FDFT1: variants seen among roughly 807,000 people sequenced by gnomAD.
The protein encoded by FDFT1 is farnesyl-diphosphate farnesyltransferase 1.
FDFT1 carries 68 observed loss-of-function variants against 46.8 expected under a neutral mutation model. That is an observed-to-expected ratio of 1.45 (90% CI 1.19 to 1.78). The LOEUF is 1.78. FDFT1 is among the 40% of genes most tolerant of loss of function. The probability of loss-of-function intolerance (pLI) is 0.00; values close to 1 mark genes in which losing one functional copy is unlikely to be tolerated. For missense variants in FDFT1, 928 were observed against 524.4 expected (o/e 1.77, Z -7.52); for synonymous variants, 351 against 185.1 (o/e 1.90, Z -7.28).
chr8:11,834,566 C>T (rs1030672336), intron 7 of FDFT1, among the ~76,000 whole-genome samples: 1 of 151,970 alleles, frequency 6.6e-6, no homozygotes, highest in African/African-American at 2.4e-5. Context: ...CCTGGGAGCC[C>T]ATTAAGACAT....
intron 6 of FDFT1, among the ~76,000 whole-genome samples, 196 bp downstream of exon 6, chr8:11,830,616 G>C (rs1029815357): frequency 2.6e-5 from 4 of 152,188 alleles, no homozygotes; most frequent in Non-Finnish European, 5.9e-5. Context: ...GGTTAAGCCT[G>C]CTCCTTTTCA....
At chr8:11,834,011 A>G (rs773158434) in intron 7 of FDFT1, among the ~76,000 whole-genome samples, 30 of 152,260 alleles carry the variant, frequency 2.0e-4, no homozygotes, top group Non-Finnish European at 3.7e-4. Context: ...AACATTTTGT[A>G]TGAAGCCACA....
At chr8:11,830,640 G>A (rs757283079) in intron 6 of FDFT1, among the ~76,000 whole-genome samples, 7 of 152,104 alleles carry the variant, frequency 4.6e-5, no homozygotes, top group East Asian at 3.8e-4. Context: ...CCTTCTTTCT[G>A]GATTTACTAT....
chr8:11,806,558 T>G (rs546849742), intron 1 of FDFT1, among the ~76,000 whole-genome samples: 90 of 151,972 alleles, frequency 5.9e-4, no homozygotes, highest in African/African-American at 2.1e-3. Context: ...TCTTGAAGAG[T>G]GTTGGGGTTT....
intron 7 of FDFT1, among the ~76,000 whole-genome samples, chr8:11,833,228 T>C (rs568596248): frequency 6.6e-6 from 1 of 152,276 alleles, no homozygotes; most frequent in South Asian, 2.1e-4. Flanking sequence ...CTTTGATCTA[T>C]GTGCCTGGGG....
chr8:11,829,904 A>G (rs916783711), intron 5 of FDFT1, among the ~76,000 whole-genome samples: 10 of 148,286 alleles, frequency 6.7e-5, no homozygotes, highest in Non-Finnish European at 1.0e-4. Flanking sequence ...CTGGAGTGCA[A>G]TGGCGAGATC....
intron 7 of FDFT1, among the ~76,000 whole-genome samples, chr8:11,838,108 A>T (rs1367864316): frequency 6.6e-6 from 1 of 152,078 alleles, no homozygotes; most frequent in African/African-American, 2.4e-5. Context: ...GGATGTGAAG[A>T]TCATTGTGGC....
chr8:11,837,813 C>A (rs1019443157), intron 7 of FDFT1, among the ~76,000 whole-genome samples: 2 of 152,084 alleles, frequency 1.3e-5, no homozygotes, highest in African/African-American at 4.8e-5. Context: ...TAATCTCAGG[C>A]AGTAATTTTA....
chr8:11,813,595 C>G (rs1186686123), intron 3 of FDFT1, among the ~76,000 whole-genome samples: 1 of 152,194 alleles, frequency 6.6e-6, no homozygotes, highest in African/African-American at 2.4e-5. Flanking sequence ...TGTGCTGAGT[C>G]ACTCGCATAC....
chr8:11,824,863 G>C (rs910308336), intron 4 of FDFT1, among the ~76,000 whole-genome samples: 1 of 152,128 alleles, frequency 6.6e-6, no homozygotes, highest in Non-Finnish European at 1.5e-5. Flanking sequence ...AGCCTTCTGA[G>C]TAGCTGGGAC....
chr8:11,825,203 C>G (rs535044202), intron 4 of FDFT1, among the ~76,000 whole-genome samples: 6 of 152,222 alleles, frequency 3.9e-5, no homozygotes, highest in Non-Finnish European at 8.8e-5. Context: ...AATATTCCAT[C>G]TTTCATCGTT....
intron 1 of FDFT1, among the ~76,000 whole-genome samples, chr8:11,806,207 TG>T (rs1455960186): frequency 2.0e-5 from 3 of 152,120 alleles, no homozygotes; most frequent in Non-Finnish European, 4.4e-5. Flanking sequence ...CCTCCATCCC[TG>T]TTTTTCTCCC....
upstream of FDFT1, among the ~76,000 whole-genome samples, chr8:11,800,244 G>T (rs1002558334): frequency 2.2e-5 from 2 of 91,920 alleles, no homozygotes; most frequent in Non-Finnish European, 3.8e-5. Flanking sequence ...CTGGCAACAA[G>T]AGTGAAATTC....
Position 11,838,541 on chromosome 8 carries a change from C to T in FDFT1, c.1186C>T (p.Leu396=). 2 of 1,612,080 alleles carry T rather than the reference C, an allele frequency of 1.2e-6. No homozygotes were observed. The highest frequency in any genetic ancestry group is 2.2e-5 in the East Asian group (1 of 44,868). ...GTCGTTTGTCATGCTTTTGGCTGCC[C>T]TGAGCTGGCAGTACCTGACCACTCT... ...YLSFVMLLAA[L]SWQYLTTLSQ... is the part of the protein sequence containing the mutation. The change falls in exon 8 of 8, where the codon CTG becomes TTG. Residue 396 remains leucine, a synonymous_variant. Coordinates refer to ENST00000220584, the MANE Select transcript of FDFT1 (RefSeq NM_004462.5).
At chr8:11,811,034 C>G (rs1028370084) in intron 3 of FDFT1, among the ~76,000 whole-genome samples, 3 of 150,828 alleles carry the variant, frequency 2.0e-5, no homozygotes, top group Non-Finnish European at 4.4e-5. Context: ...TACCAAAGCC[C>G]AAATATAGTA....
intron 5 of FDFT1, among the ~76,000 whole-genome samples, chr8:11,829,622 C>CT (rs146979578): frequency 0.014 from 2,060 of 152,264 alleles, 62 homozygotes; most frequent in African/African-American, 0.047. Context: ...GCCAGTAGCT[C>CT]TAACAGGAGC....
chr8:11,806,324 A>G (rs1360270007), intron 1 of FDFT1, among the ~76,000 whole-genome samples: 1 of 152,178 alleles, frequency 6.6e-6, no homozygotes, highest in Non-Finnish European at 1.5e-5. Flanking sequence ...GCTCATGGGA[A>G]TCAAGCAGTA....
chr8:11,825,697 T>A (rs4079376), intron 4 of FDFT1, among the ~76,000 whole-genome samples: 27,207 of 140,016 alleles, frequency 0.19, 2,791 homozygotes, highest in Non-Finnish European at 0.25. Flanking sequence ...AAAAAAAAAA[T>A]AAAAAATAAA....
intron 1 of FDFT1, among the ~76,000 whole-genome samples, chr8:11,796,887 G>C (rs1025744483): frequency 6.6e-6 from 1 of 152,258 alleles, no homozygotes; most frequent in Non-Finnish European, 1.5e-5. Flanking sequence ...AAGAGGCAGT[G>C]TGACAGCTCC....
Sources: gnomAD v4.1 joint callset for allele counts (sites outside exome capture counted in the v4.1 genomes callset) on GRCh38, gnomAD v4.1.1 for gene constraint, MANE v1.5 for transcripts, NCBI Gene and HGNC (gene_info 2026-07-23, HGNC 2026-07-21) for gene names.